The following CHD7 variants were observed in gnomAD, a reference collection of about 807,000 sequenced individuals.
CHD7 encodes the protein chromodomain helicase DNA binding protein 7.
Under a neutral mutation model 307.3 loss-of-function variants are expected in CHD7, and 24 were observed. The observed-to-expected ratio is 0.08, with a 90% CI of 0.06 to 0.11. The LOEUF is 0.11. Among genes scored for constraint, CHD7 ranks in the 10% least tolerant of loss-of-function variants. The pLI is 1.00. For synonymous variants in CHD7, 1,363 were observed against 1,349.9 expected, an observed-to-expected ratio of 1.01 and a Z score of -0.21; for missense variants, 3,106 against 3,727.1, an observed-to-expected ratio of 0.83 and a Z score of 4.34.
intron 2 of CHD7, among the ~76,000 whole-genome samples, chr8:60,757,066 G>A (rs1467630230): frequency 6.6e-6 from 1 of 152,168 alleles, no homozygotes; most frequent in Non-Finnish European, 1.5e-5. Flanking sequence ...TCCTCACCTG[G>A]ATGGAAATTT....
At position 60,853,274 on chromosome 8, in the gene CHD7, C is replaced by T; in HGVS notation, c.6549C>T (p.Ala2183=). ...GKVEEPENPA[A]KEKCEGKEEE... ...TGGAGGAGCCTGAAAACCCAGCTGC[C>T]AAGGAGAAATGTGAGGGCAAAGAAG... is the stretch of plus-strand genomic sequence containing the variant. Residue 2183 remains alanine, a synonymous_variant, in exon 31 of 38, where the codon GCC becomes GCT. Coordinates refer to ENST00000423902, the MANE Select transcript of CHD7 (RefSeq NM_017780.4). 6.2e-7 allele frequency: 1 copy of T among 1,612,036 alleles called. No individual in the cohort carries two copies. The highest frequency in any genetic ancestry group is 8.5e-7 in the Non-Finnish European group (1 of 1,178,762).
intron 2 of CHD7, among the ~76,000 whole-genome samples, chr8:60,750,165 T>G (rs1477906200): frequency 6.6e-6 from 1 of 152,368 alleles, no homozygotes; most frequent in East Asian, 1.9e-4. Context: ...GAATTTAGTT[T>G]GTTAGTTTAC....
In CHD7 at chr8:60,854,282, A is replaced by G. The variant is rs1046483404; in HGVS notation, c.6776-81A>G. 5.0e-5 allele frequency: 63 copies of G among 1,272,148 alleles called. 1 individual carries two copies. The highest frequency in any genetic ancestry group is 2.5e-4 in the Middle Eastern group (1 of 3,952). 78.8% of individuals were successfully genotyped at this position (1,272,148 alleles called of 1,614,324 possible). On this transcript the variant is annotated intron_variant, in intron 31 of 37. Coordinates refer to ENST00000423902, the MANE Select transcript of CHD7 (RefSeq NM_017780.4). ...AATAAAATGGAGCTGATTAGTATTCACATTTTTAATCATGTCCTTTCTAAA... is the reference window on the plus strand; with the variant it reads ...AATAAAATGGAGCTGATTAGTATTCGCATTTTTAATCATGTCCTTTCTAAA...
intron 2 of CHD7, among the ~76,000 whole-genome samples, chr8:60,771,591 G>A (rs1013123415): frequency 7.2e-5 from 10 of 138,286 alleles, no homozygotes; most frequent in African/African-American, 1.9e-4. Context: ...CAGAGTTTGG[G>A]CATGGTTTAG....
chr8:60,728,632 C>T (rs192138528), intron 1 of CHD7, among the ~76,000 whole-genome samples: 22 of 152,158 alleles, frequency 1.4e-4, no homozygotes, highest in African/African-American at 4.3e-4. Flanking sequence ...TTGATGTGCC[C>T]GCCTAGCTGG....
Position 60,844,774 on chromosome 8 carries a change from C to T in CHD7, c.4851-90C>T, listed in dbSNP as rs1177008760. ...GTGTGAATTGTTGCTAGTTTTGACC[C>T]AGGATTTCCCAACGCTGGTACCTGA... On this transcript the variant is annotated intron_variant, in intron 21 of 37. Coordinates refer to ENST00000423902, the MANE Select transcript of CHD7 (RefSeq NM_017780.4). 7.2e-6 allele frequency: 8 copies of T among 1,117,316 alleles called. No homozygotes were observed. The African/African-American group carries it at 1.1e-4, about 15-fold the overall frequency. 69.2% of individuals were successfully genotyped at this position (1,117,316 alleles called of 1,614,324 possible). A position where few individuals can be genotyped will look rare whatever the true frequency, so the allele number is the denominator to read the frequency against.
intron 1 of CHD7, among the ~76,000 whole-genome samples, chr8:60,719,563 C>T (rs1278612126): frequency 6.6e-6 from 1 of 152,048 alleles, no homozygotes; most frequent in African/African-American, 2.4e-5. Context: ...ATTAATTGGT[C>T]AAACCTTTGT....
rs1161719546 is a variant in CHD7 at position 60,866,002 on chromosome 8, G to A, written c.*69G>A. The A allele has an allele frequency of 2.2e-6, 3 of 1,354,046 alleles. No homozygotes were observed. Among genetic ancestry groups the A allele is most frequent in the South Asian group, 1.3e-5 (1 of 78,900 alleles). The allele number at this position is 1,354,046 out of a possible 1,614,324, so 83.9% of individuals were successfully genotyped here. A position where few individuals can be genotyped will look rare whatever the true frequency, so the allele number is the denominator to read the frequency against. On this transcript the variant is annotated 3_prime_UTR_variant, in exon 38 of 38. Transcript: ENST00000423902. ...GGTAGTCCTACTGTTTACACTCACA[G>A]TTAATGTTCATACCTAGTTTTATAA... is the stretch of plus-strand genomic sequence containing the variant.
At chr8:60,831,601 G>A (rs369811164) in intron 15 of CHD7, among the ~76,000 whole-genome samples, 11 of 151,734 alleles carry the variant, frequency 7.2e-5, no homozygotes, top group Admixed American at 6.6e-5. Flanking sequence ...AGGGTGATGC[G>A]TCAGGCAACA....
chr8:60,692,417 G>A (rs967873363), intron 1 of CHD7, among the ~76,000 whole-genome samples: 1 of 152,118 alleles, frequency 6.6e-6, no homozygotes, highest in South Asian at 2.1e-4. Flanking sequence ...TGGTTTAAAT[G>A]GTACATGTCT....
chr8:60,845,443 A>G (rs1805164393), intron 23 of CHD7, 34 bp downstream of exon 23: 2 of 1,602,820 alleles, frequency 1.2e-6, no homozygotes, highest in African/African-American at 1.3e-5. Context: ...GGAGAGCTTA[A>G]TTCCCTTTTT....
At chr8:60,727,168 C>T (rs1808206124) in intron 1 of CHD7, among the ~76,000 whole-genome samples, 2 of 151,686 alleles carry the variant, frequency 1.3e-5, no homozygotes, top group Non-Finnish European at 1.5e-5. Context: ...TCTCTGTTGC[C>T]CAGGCTGTGG....
chr8:60,680,114 C>T (rs1667799508), intron 1 of CHD7, among the ~76,000 whole-genome samples: 1 of 151,900 alleles, frequency 6.6e-6, no homozygotes, highest in Admixed American at 6.5e-5. Flanking sequence ...CCCCCCAACC[C>T]GCCGGGGGTC....
chr8:60,721,113 T>TA (rs2150544669), intron 1 of CHD7, among the ~76,000 whole-genome samples: 2 of 152,318 alleles, frequency 1.3e-5, no homozygotes, highest in African/African-American at 4.8e-5. Context: ...TGGTTGGTCT[T>TA]ATGGATTGAA....
intron 24 of CHD7, 59 bp downstream of exon 24, chr8:60,848,663 ACAT>A: frequency 4.5e-6 from 6 of 1,324,562 alleles, no homozygotes; most frequent in South Asian, 1.2e-5. Flanking sequence ...TAGCCGGAAA[ACAT>A]CATGGATTGT....
At chr8:60,863,003 AAAAACAAAACAAAAC>A (rs147759163) in intron 37 of CHD7, 10,762 of 191,506 alleles carry the variant, frequency 0.056, 1,047 homozygotes, top group African/African-American at 0.22. Flanking sequence ...TTTCTGATTT[AAAAACAAAACAAAAC>A]AAAACAAAAC....
chr8:60,767,256 T>G (rs1810514964), intron 2 of CHD7, among the ~76,000 whole-genome samples: 1 of 152,192 alleles, frequency 6.6e-6, no homozygotes. Context: ...CTTTCAAGGA[T>G]TCTGCTCTAA....
intron 1 of CHD7, among the ~76,000 whole-genome samples, chr8:60,715,475 A>G (rs1463832735): frequency 2.6e-5 from 4 of 151,880 alleles, no homozygotes; most frequent in African/African-American, 9.7e-5. Context: ...ACCTGCCACC[A>G]CGCCCAGCTA....
intron 2 of CHD7, among the ~76,000 whole-genome samples, chr8:60,747,033 T>A (rs1295834608): frequency 6.6e-6 from 1 of 152,222 alleles, no homozygotes; most frequent in Non-Finnish European, 1.5e-5. Flanking sequence ...TGATATTTAC[T>A]GTCTCAGAAA....
Sources: gnomAD v4.1 joint callset for allele counts (sites outside exome capture counted in the v4.1 genomes callset) on GRCh38, gnomAD v4.1.1 for gene constraint, MANE v1.5 for transcripts, NCBI Gene and HGNC (gene_info 2026-07-23, HGNC 2026-07-21) for gene names.